KCTD1: variants seen among roughly 807,000 people sequenced by gnomAD.
KCTD1 encodes the protein potassium channel tetramerization domain containing 1.
Under a neutral mutation model 66.0 loss-of-function variants are expected in KCTD1, and 24 were observed. The ratio of observed to expected loss-of-function variants is 0.36; its 90% CI spans 0.26 to 0.51. KCTD1 has a LOEUF of 0.51. Among genes scored for constraint, KCTD1 ranks in the 20% least tolerant of loss-of-function variants. The pLI is 0.95. For missense variants in KCTD1, 943 were observed against 1,205.2 expected (o/e 0.78, Z 3.22); for synonymous variants, 511 against 517.2 (o/e 0.99, Z 0.16).
chr18:26,657,412 T>TC (rs1253711769), upstream of KCTD1: 19 of 984,350 alleles, frequency 1.9e-5, no homozygotes, highest in East Asian at 1.1e-4. Flanking sequence ...CCTTTTCCTC[T>TC]CCCCCCTTTT....
chr18:26,639,312 A>G (rs1457204623), intron 1 of KCTD1, among the ~76,000 whole-genome samples: 1 of 152,214 alleles, frequency 6.6e-6, no homozygotes, highest in African/African-American at 2.4e-5. Context: ...CAAGTGAGGC[A>G]GTGGGAGGAG....
intron 1 of KCTD1, among the ~76,000 whole-genome samples, chr18:26,577,203 A>T (rs1055039314): frequency 4.6e-5 from 7 of 152,218 alleles, no homozygotes; most frequent in African/African-American, 1.7e-4. Flanking sequence ...GAACACCTAC[A>T]CACTCCTTCC....
At chr18:26,655,451 C>G (rs1988112164) in intron 1 of KCTD1, among the ~76,000 whole-genome samples, 1 of 151,910 alleles carries the variant, frequency 6.6e-6, no homozygotes, top group East Asian at 1.9e-4. Flanking sequence ...CACACACACA[C>G]AGACACACAC....
At chr18:26,456,431 T>TTAA (rs1331503790) in intron 4 of KCTD1, 1 of 152,290 alleles carries the variant, frequency 6.6e-6, no homozygotes, top group African/African-American at 2.4e-5. Context: ...TAATACCGAG[T>TTAA]TAATATATAT....
In KCTD1 at chr18:26,554,456, C is replaced by T. The variant is rs535784731; in HGVS notation, c.-15-53206G>A. Among the ~76,000 whole-genome samples the T allele has an allele frequency of 5.1e-5, 7 of 137,772 alleles. No homozygotes were observed. The South Asian group carries it at 1.2e-3, about 24-fold the overall frequency. The allele number at this position is 137,772 out of a possible 152,430, so 90.4% of individuals were successfully genotyped here. On this transcript the variant is annotated intron_variant, in intron 1 of 4. Transcript: ENST00000317932. ...CCACCTAAACACTGGTACATGTTTT[C>T]TTGGCTATTGGAAGTAGGGACCCAT... is the stretch of plus-strand genomic sequence containing the variant.
chr18:26,555,344 G>A (rs1045528336), intron 1 of KCTD1, among the ~76,000 whole-genome samples: 1 of 152,124 alleles, frequency 6.6e-6, no homozygotes, highest in African/African-American at 2.4e-5. Flanking sequence ...AAAATCGCTT[G>A]AACCTGGGAG....
At chr18:26,581,420 G>C (rs1407435573) in intron 1 of KCTD1, 1 of 152,078 alleles carries the variant, frequency 6.6e-6, no homozygotes, top group Non-Finnish European at 1.5e-5. Context: ...ATCATGCCTG[G>C]CTAATTTTTA....
At chr18:26,494,295 C>T (rs934054879) in intron 2 of KCTD1, among the ~76,000 whole-genome samples, 5 of 152,126 alleles carry the variant, frequency 3.3e-5, no homozygotes, top group Non-Finnish European at 7.4e-5. Flanking sequence ...CACTTAAGCC[C>T]AGGAATTCAA....
chr18:26,542,698 A>T (rs555587696), intron 1 of KCTD1, among the ~76,000 whole-genome samples: 2 of 152,166 alleles, frequency 1.3e-5, no homozygotes, highest in Admixed American at 1.3e-4. Flanking sequence ...TTTTGGTGAC[A>T]TTTGCTTGGG....
chr18:26,583,202 T>C (rs533967427), intron 1 of KCTD1, among the ~76,000 whole-genome samples: 2 of 152,016 alleles, frequency 1.3e-5, no homozygotes, highest in African/African-American at 4.8e-5. Context: ...AAGACCAGTC[T>C]GGACAACATG....
At chr18:26,635,484 G>A (rs1383055005) in intron 1 of KCTD1, among the ~76,000 whole-genome samples, 3 of 152,194 alleles carry the variant, frequency 2.0e-5, no homozygotes, top group African/African-American at 7.2e-5. Context: ...CTGGAAAATC[G>A]CCTGGAACCT....
At chr18:26,624,483 G>A (rs1344533918) in intron 1 of KCTD1, among the ~76,000 whole-genome samples, 1 of 152,254 alleles carries the variant, frequency 6.6e-6, no homozygotes, top group Non-Finnish European at 1.5e-5. Context: ...AAGGAGCCAA[G>A]GCAAAACTCA....
At chr18:26,620,432 ATTTTTTTT>A (rs76367093) in intron 1 of KCTD1, among the ~76,000 whole-genome samples, 7 of 74,394 alleles carry the variant, frequency 9.4e-5, no homozygotes, top group Non-Finnish European at 1.7e-4. Flanking sequence ...TCAAAATTGC[ATTTTTTTT>A]TTTTTTTTTT....
At chr18:26,530,090 C>T (rs1182165819) in intron 1 of KCTD1, among the ~76,000 whole-genome samples, 1 of 152,216 alleles carries the variant, frequency 6.6e-6, no homozygotes, top group African/African-American at 2.4e-5. Flanking sequence ...GAAGACTAGA[C>T]AGATTCATGC....
At chr18:26,549,443 C>T (rs893817215), upstream of KCTD1, 2 of 985,668 alleles carry the variant, frequency 2.0e-6, no homozygotes, top group East Asian at 1.1e-4. Context: ...CAGCCAGCCC[C>T]GGGAAGGAGC....
intron 1 of KCTD1, among the ~76,000 whole-genome samples, chr18:26,639,548 T>C (rs1190269223): frequency 1.3e-5 from 2 of 152,162 alleles, no homozygotes; most frequent in Non-Finnish European, 2.9e-5. Flanking sequence ...ATAAAAATCC[T>C]AGGGCCCAGA....
At chr18:26,554,142 C>T (rs989077476) in intron 1 of KCTD1, among the ~76,000 whole-genome samples, 5 of 132,474 alleles carry the variant, frequency 3.8e-5, no homozygotes, top group African/African-American at 1.3e-4. Flanking sequence ...AAAGAATAAT[C>T]AAGGGAACAA....
intron 3 of KCTD1, among the ~76,000 whole-genome samples, chr18:26,462,285 T>C (rs1980475262): frequency 6.6e-6 from 1 of 152,240 alleles, no homozygotes; most frequent in Non-Finnish European, 1.5e-5. Context: ...TAGGGTTTAT[T>C]AAAGTGAGAG....
intron 2 of KCTD1, among the ~76,000 whole-genome samples, chr18:26,495,145 G>A (rs752046896): frequency 5.3e-5 from 8 of 151,872 alleles, no homozygotes; most frequent in Non-Finnish European, 8.8e-5. Flanking sequence ...CTAAAACAAC[G>A]GCTTGCACGA....
Sources: allele counts gnomAD v4.1 joint callset (sites outside exome capture counted in the v4.1 genomes callset), GRCh38; gene constraint gnomAD v4.1.1; transcripts MANE v1.5; gene names NCBI Gene and HGNC (gene_info 2026-07-23, HGNC 2026-07-21).